ATP8A2: variants seen among roughly 807,000 people sequenced by gnomAD.
ATP8A2 encodes ATPase phospholipid transporting 8A2.
In ATP8A2, 100 loss-of-function variants were observed where a neutral mutation model predicts 165.6. The observed-to-expected ratio is 0.60, with a 90% CI of 0.51 to 0.71. The LOEUF (loss-of-function observed/expected upper bound fraction) is 0.71. ATP8A2 is among the 30% of genes least tolerant of loss of function. ATP8A2 has a pLI of 0.00. For missense variants in ATP8A2, 1,227 were observed against 1,479.5 expected, an observed-to-expected ratio of 0.83 and a Z score of 2.80; for synonymous variants, 543 against 548.8, an observed-to-expected ratio of 0.99 and a Z score of 0.15.
chr13:25,886,608 GAAGCCT>G (rs1953165366), intron 33 of ATP8A2, among the ~76,000 whole-genome samples: 1 of 152,234 alleles, frequency 6.6e-6, no homozygotes, highest in Admixed American at 6.5e-5. Flanking sequence ...AGCACGAGGG[GAAGCCT>G]CTGAGAGCGC....
intron 27 of ATP8A2, among the ~76,000 whole-genome samples, chr13:25,777,801 G>A (rs2044775306): frequency 6.6e-6 from 1 of 152,182 alleles, no homozygotes; most frequent in Admixed American, 6.5e-5. Flanking sequence ...TACTCACTTG[G>A]CATACTAACC....
intron 1 of ATP8A2, among the ~76,000 whole-genome samples, chr13:25,422,631 A>C (rs2034333658): frequency 6.6e-6 from 1 of 152,220 alleles, no homozygotes; most frequent in Non-Finnish European, 1.5e-5. Context: ...TACATAACAC[A>C]CACAGAGAGG....
intron 24 of ATP8A2, among the ~76,000 whole-genome samples, chr13:25,601,481 G>A (rs938492248): frequency 6.6e-6 from 1 of 152,166 alleles, no homozygotes. Context: ...TTTGTTGTTT[G>A]TGTTGTTTTT....
At chr13:25,562,441 G>C (rs947596796) in intron 15 of ATP8A2, among the ~76,000 whole-genome samples, 5 of 152,184 alleles carry the variant, frequency 3.3e-5, no homozygotes, top group East Asian at 1.9e-4. Flanking sequence ...TGCTAGGGCT[G>C]TGTGTGGAGT....
chr13:25,617,260 T>C (rs2040850123), intron 24 of ATP8A2, among the ~76,000 whole-genome samples: 1 of 152,236 alleles, frequency 6.6e-6, no homozygotes, highest in Non-Finnish European at 1.5e-5. Context: ...CAGTTATTAT[T>C]TAATGGCCAT....
chr13:26,003,625 CT>C (rs1451856254), intron 35 of ATP8A2, among the ~76,000 whole-genome samples: 1 of 152,126 alleles, frequency 6.6e-6, no homozygotes, highest in Non-Finnish European at 1.5e-5. Context: ...GACCTTTCCC[CT>C]ATCTTCCTCC....
intron 2 of ATP8A2, among the ~76,000 whole-genome samples, chr13:25,512,391 T>C (rs957714775): frequency 1.1e-4 from 16 of 152,204 alleles, no homozygotes; most frequent in African/African-American, 3.9e-4. Context: ...CAATGAGCTG[T>C]TGGGTACACC....
intron 35 of ATP8A2, among the ~76,000 whole-genome samples, chr13:26,004,875 A>C (rs116343558): frequency 6.6e-6 from 1 of 151,994 alleles, no homozygotes; most frequent in East Asian, 1.9e-4. Flanking sequence ...ATGTGTTGTT[A>C]AGTTCAGTTT....
intron 6 of ATP8A2, among the ~76,000 whole-genome samples, chr13:25,535,873 C>T (rs1481244818): frequency 6.6e-6 from 1 of 151,508 alleles, no homozygotes; most frequent in African/African-American, 2.4e-5. Flanking sequence ...CCAAGTAAGT[C>T]ATTTCTTATG....
At chr13:25,593,796 A>G (rs906135126) in intron 24 of ATP8A2, among the ~76,000 whole-genome samples, 1 of 152,208 alleles carries the variant, frequency 6.6e-6, no homozygotes, top group Admixed American at 6.5e-5. Context: ...TATTGGTTAA[A>G]TGGACTTGTG....
chr13:25,690,510 C>T (rs2042701839), intron 24 of ATP8A2, among the ~76,000 whole-genome samples: 1 of 152,134 alleles, frequency 6.6e-6, no homozygotes, highest in Non-Finnish European at 1.5e-5. Context: ...TGAATGATCC[C>T]ACGGTGTATG....
In ATP8A2 at chr13:25,372,295, T is replaced by TGGGAGGGGCGCGGCGA; in HGVS notation, c.76+15_76+30dup. The TGGGAGGGGCGCGGCGA allele has an allele frequency of 2.0e-6, 2 of 993,604 alleles. No homozygotes were observed. Among genetic ancestry groups the TGGGAGGGGCGCGGCGA allele is most frequent in the Non-Finnish European group, 2.8e-6 (2 of 706,798 alleles). 61.5% of individuals were successfully genotyped at this position (993,604 alleles called of 1,614,324 possible). On this transcript the variant is annotated splice_region_variant and intron_variant, in intron 1 of 36. Transcript: ENST00000381655. The surrounding 1 kb of genome is among the most constrained non-coding windows in gnomAD (Gnocchi z 4.8). ...AGGATCCGCTCGTCCGTGGGTGAGCTGGGAGGGGCGCGGCGAGGGAGGGTG... is the reference window on the plus strand; with the variant it reads ...AGGATCCGCTCGTCCGTGGGTGAGCTGGGAGGGGCGCGGCGAGGGAGGGGCGCGGCGAGGGAGGGTG...
At chr13:25,602,579 T>C (rs1350904991) in intron 24 of ATP8A2, among the ~76,000 whole-genome samples, 1 of 152,210 alleles carries the variant, frequency 6.6e-6, no homozygotes. Context: ...TTCAGGCAGA[T>C]GGTCCAGCAA....
intron 29 of ATP8A2, 56 bp downstream of exon 29, chr13:25,837,341 C>G: frequency 6.3e-7 from 1 of 1,589,864 alleles, no homozygotes; most frequent in East Asian, 2.3e-5. Context: ...CTGTTTGATT[C>G]TAGTCATCTG....
intron 1 of ATP8A2, among the ~76,000 whole-genome samples, chr13:25,381,903 G>A (rs1008807077): frequency 1.1e-4 from 16 of 152,200 alleles, no homozygotes; most frequent in African/African-American, 3.9e-4. Flanking sequence ...AAGTGGGGAT[G>A]CCGTCTGTGT....
At chr13:25,976,419 T>A (rs1956038682) in intron 35 of ATP8A2, among the ~76,000 whole-genome samples, 3 of 152,146 alleles carry the variant, frequency 2.0e-5, no homozygotes, top group Admixed American at 6.5e-5. Flanking sequence ...TGCATCTTCT[T>A]ACTTCAGGCC....
chr13:25,557,642 G>A (rs980706720), intron 13 of ATP8A2, among the ~76,000 whole-genome samples: 9 of 152,118 alleles, frequency 5.9e-5, no homozygotes, highest in Non-Finnish European at 1.3e-4. Flanking sequence ...GCCCTATACA[G>A]GTCTTTGGTT....
At chr13:25,709,355 C>T (rs547188096) in intron 25 of ATP8A2, among the ~76,000 whole-genome samples, 101 of 152,278 alleles carry the variant, frequency 6.6e-4, no homozygotes, top group African/African-American at 2.2e-3. Context: ...ATCATTTGTG[C>T]ATTTTTCCTT....
At chr13:25,378,492 T>C (rs987534011) in intron 1 of ATP8A2, among the ~76,000 whole-genome samples, 1 of 152,182 alleles carries the variant, frequency 6.6e-6, no homozygotes, top group Non-Finnish European at 1.5e-5. Flanking sequence ...TTTTGATTGG[T>C]TTGTTTCAGG....
Sources: gnomAD v4.1 joint callset for allele counts (sites outside exome capture counted in the v4.1 genomes callset) on GRCh38, gnomAD v4.1.1 for gene constraint, Gnocchi (gnomAD v3.1) non-coding constraint, MANE v1.5 for transcripts, NCBI Gene and HGNC (gene_info 2026-07-23, HGNC 2026-07-21) for gene names.